PXDNL: variants seen among roughly 807,000 people sequenced by gnomAD.
The protein encoded by PXDNL is peroxidasin like, also known as probable oxidoreductase PXDNL.
A neutral mutation model predicts 150.8 loss-of-function variants in PXDNL; 145 were observed. That is an observed-to-expected ratio of 0.96 (90% CI 0.84 to 1.10). The LOEUF is 1.10. PXDNL is among the 50% of genes least tolerant of loss of function. The pLI is 0.00. For missense variants in PXDNL, 2,087 were observed against 1,873.9 expected, an observed-to-expected ratio of 1.11 and a Z score of -2.10; for synonymous variants, 757 against 725.7, an observed-to-expected ratio of 1.04 and a Z score of -0.69.
chr8:51,346,519 A>G (rs2130703508), intron 19 of PXDNL, among the ~76,000 whole-genome samples: 1 of 152,338 alleles, frequency 6.6e-6, no homozygotes, highest in South Asian at 2.1e-4. Context: ...TAAATATGGA[A>G]CTTTAAAAAG....
chr8:51,647,492 C>G (rs1158197186), intron 2 of PXDNL, among the ~76,000 whole-genome samples: 1 of 152,124 alleles, frequency 6.6e-6, no homozygotes, highest in East Asian at 1.9e-4. Flanking sequence ...CTGTGCAAGC[C>G]TTTTGAAAAA....
At chr8:51,396,366 T>G (rs568893270) in intron 17 of PXDNL, among the ~76,000 whole-genome samples, 1 of 152,362 alleles carries the variant, frequency 6.6e-6, no homozygotes, top group African/African-American at 2.4e-5. Context: ...CCCAGAGGCC[T>G]TCCCGACCAG....
At chr8:51,503,330 A>C (rs967330950) in intron 4 of PXDNL, among the ~76,000 whole-genome samples, 2 of 152,220 alleles carry the variant, frequency 1.3e-5, no homozygotes, top group African/African-American at 4.8e-5. Context: ...AGTTCTGTTG[A>C]TTATAGTGCA....
intron 4 of PXDNL, among the ~76,000 whole-genome samples, chr8:51,549,191 T>G (rs1812428456): frequency 6.6e-6 from 1 of 152,114 alleles, no homozygotes; most frequent in South Asian, 2.1e-4. Context: ...CAATTATTAC[T>G]AGACCTAAGA....
At chr8:51,474,875 A>G (rs575041907) in intron 7 of PXDNL, 97 bp downstream of exon 7, 1 of 1,020,078 alleles carries the variant, frequency 9.8e-7, no homozygotes, top group East Asian at 2.7e-5. Context: ...TTCTGATAAC[A>G]CGTTCTTCTA....
At chr8:51,602,607 GAA>G (rs916298918) in intron 2 of PXDNL, among the ~76,000 whole-genome samples, 2 of 151,718 alleles carry the variant, frequency 1.3e-5, no homozygotes, top group Non-Finnish European at 2.9e-5. Context: ...TTATTTGAAA[GAA>G]AGATCTAGTT....
At chr8:51,642,597 C>A (rs1404307693) in intron 2 of PXDNL, among the ~76,000 whole-genome samples, 1 of 152,100 alleles carries the variant, frequency 6.6e-6, no homozygotes, top group Non-Finnish European at 1.5e-5. Flanking sequence ...ACTGAATGGG[C>A]AAAAACTGGA....
In PXDNL at chr8:51,494,322, A is replaced by C. The variant is rs189866055; in HGVS notation, c.452+5377T>G. ...GAACAACCGGCACCACCCACTGCAA[A>C]AACATGCCAAATTGTAAAGACCATC... On this transcript the variant is annotated intron_variant, in intron 5 of 22. Transcript: ENST00000356297. Among the ~76,000 whole-genome samples, 8 of 152,324 alleles carry C rather than the reference A, an allele frequency of 5.3e-5. No homozygotes were observed. The East Asian group carries it at 1.4e-3, about 26-fold the overall frequency.
chr8:51,432,246 T>C (rs11987995), intron 12 of PXDNL, among the ~76,000 whole-genome samples: 32,498 of 152,120 alleles, frequency 0.21, 4,114 homozygotes, highest in African/African-American at 0.34. Flanking sequence ...TCTGCAGCCA[T>C]GAGCAATGAC....
At chr8:51,665,726 C>G (rs1412122802) in intron 1 of PXDNL, among the ~76,000 whole-genome samples, 1 of 152,154 alleles carries the variant, frequency 6.6e-6, no homozygotes. Context: ...ATCCAGTTAA[C>G]AGAATGTACA....
intron 3 of PXDNL, among the ~76,000 whole-genome samples, chr8:51,558,145 A>G (rs941329541): frequency 2.6e-5 from 4 of 152,158 alleles, no homozygotes; most frequent in African/African-American, 9.6e-5. Flanking sequence ...GTGTGGATGT[A>G]TGCAAATCAT....
At chr8:51,461,154 C>A (rs1810070070) in intron 8 of PXDNL, among the ~76,000 whole-genome samples, 2 of 152,230 alleles carry the variant, frequency 1.3e-5, no homozygotes, top group Non-Finnish European at 1.5e-5. Context: ...CCAATCCCAC[C>A]CTCCCAGGGT....
chr8:51,555,694 A>G (rs1812584519), intron 4 of PXDNL, among the ~76,000 whole-genome samples: 1 of 152,220 alleles, frequency 6.6e-6, no homozygotes, highest in Admixed American at 6.5e-5. Flanking sequence ...AACAGTCTGC[A>G]TTCTACATAT....
chr8:51,528,831 G>A (rs1350894771), intron 4 of PXDNL, among the ~76,000 whole-genome samples: 3 of 152,164 alleles, frequency 2.0e-5, no homozygotes, highest in South Asian at 4.1e-4. Context: ...ACAACCGCAA[G>A]AAACTGAATT....
chr8:51,632,591 CTCAA>C (rs996432216), intron 2 of PXDNL, among the ~76,000 whole-genome samples: 1 of 152,044 alleles, frequency 6.6e-6, no homozygotes, highest in Non-Finnish European at 1.5e-5. Context: ...GAGACCCTAT[CTCAA>C]TCAATCAATC....
intron 3 of PXDNL, among the ~76,000 whole-genome samples, chr8:51,565,341 GATAAATAA>G (rs1333328349): frequency 2.1e-5 from 3 of 142,548 alleles, no homozygotes; most frequent in African/African-American, 7.9e-5. Context: ...TAGATAGATA[GATAAATAA>G]ATAAATACAG....
intron 8 of PXDNL, among the ~76,000 whole-genome samples, chr8:51,467,980 T>C (rs969622232): frequency 6.6e-6 from 1 of 152,068 alleles, no homozygotes; most frequent in African/African-American, 2.4e-5. Flanking sequence ...TCTAAAATTA[T>C]CTTGACAAAT....
chr8:51,386,756 G>A (rs2130825667), intron 17 of PXDNL, among the ~76,000 whole-genome samples: 1 of 151,444 alleles, frequency 6.6e-6, no homozygotes, highest in East Asian at 2.0e-4. Context: ...GGTGGAGGTT[G>A]TAGTGAGCCA....
intron 1 of PXDNL, among the ~76,000 whole-genome samples, chr8:51,744,813 G>A (rs2036959515): frequency 6.9e-6 from 1 of 145,158 alleles, no homozygotes; most frequent in Non-Finnish European, 1.5e-5. Context: ...GAGAAAGAAA[G>A]AGAAAGAAGG....
Sources: gnomAD v4.1 joint callset for allele counts (sites outside exome capture counted in the v4.1 genomes callset) on GRCh38, gnomAD v4.1.1 for gene constraint, MANE v1.5 for transcripts, NCBI Gene and HGNC (gene_info 2026-07-23, HGNC 2026-07-21) for gene names.